The following OPHN1 variants were observed in gnomAD, a reference collection of about 807,000 sequenced individuals.
The protein encoded by OPHN1 is oligophrenin 1.
OPHN1 carries 11 observed loss-of-function variants against 60.7 expected under a neutral mutation model. The ratio of observed to expected loss-of-function variants is 0.18; its 90% CI spans 0.11 to 0.30. OPHN1 has a LOEUF of 0.30. Ranked by LOEUF, OPHN1 falls within the 10% of genes least tolerant of loss-of-function variation. The pLI, the probability that OPHN1 is intolerant of heterozygous loss-of-function variation, is 1.00. For missense variants in OPHN1, 449 were observed against 611.0 expected (o/e 0.73, Z 2.80); for synonymous variants, 226 against 222.6 (o/e 1.02, Z -0.14).
intron 2 of OPHN1, among the ~76,000 whole-genome samples, chrX:68,388,041 C>A (rs1360084967): frequency 9.3e-6 from 1 of 107,911 alleles, no homozygotes; most frequent in Non-Finnish European, 1.9e-5. Flanking sequence ...AGAATGTGGA[C>A]TACAGTCAGG....
At chrX:68,253,948 G>A (rs1197293139) in intron 5 of OPHN1, among the ~76,000 whole-genome samples, 3 of 111,941 alleles carry the variant, frequency 2.7e-5, no homozygotes, top group Non-Finnish European at 5.6e-5. Flanking sequence ...CCGTCCCTGT[G>A]GTATGTACGC....
chrX:68,080,198 T>C (rs1472370567), intron 19 of OPHN1, among the ~76,000 whole-genome samples: 1 of 112,249 alleles, frequency 8.9e-6, no homozygotes, highest in African/African-American at 3.2e-5. Context: ...CATCCTGAAA[T>C]CTCCAGCCCC....
intron 3 of OPHN1, among the ~76,000 whole-genome samples, chrX:68,291,341 C>A (rs1159195081): frequency 8.9e-6 from 1 of 112,226 alleles, no homozygotes; most frequent in Non-Finnish European, 1.9e-5. Context: ...TTTGCTAGAT[C>A]TCTCAACAAA....
At chrX:68,322,461 G>C (rs1240930997) in intron 2 of OPHN1, among the ~76,000 whole-genome samples, 2 of 111,926 alleles carry the variant, frequency 1.8e-5, no homozygotes. Context: ...AACAAGCTAT[G>C]ATACATCCAT....
chrX:68,194,066 C>A, intron 13 of OPHN1, 114 bp from the exon 14 acceptor site: 2 of 610,981 alleles, frequency 3.3e-6, no homozygotes, highest in South Asian at 4.9e-5. Flanking sequence ...TTTAGTTGCT[C>A]ATTTCTAGTC....
chrX:68,227,921 G>A (rs1427943916), intron 6 of OPHN1, among the ~76,000 whole-genome samples: 2 of 110,787 alleles, frequency 1.8e-5, no homozygotes, highest in African/African-American at 6.6e-5. Flanking sequence ...AGAACTGAAG[G>A]AGATAAGAGA....
rs1057524252 is a variant in OPHN1 at position 68,073,239 on chromosome X, C to T, written c.1747G>A (p.Ala583Thr). The T allele has an allele frequency of 1.7e-6, 2 of 1,211,506 alleles. No homozygotes were observed. The highest frequency in any genetic ancestry group is 2.2e-6 in the Non-Finnish European group (2 of 895,129). ...ATCGTGATTGGTTTGTGCCTTCTTG[C>T]TGTCACCCGAGGCGGAGGCACTGGC... The part of the protein sequence containing the change: ...APPVPPPRVT[A>T]RRHKPITISK... Residue 583 changes from alanine (A) to threonine (T), a missense_variant, in exon 20 of 25, where the codon GCA (alanine) becomes ACA (threonine). Around this residue, in one of 4 missense-constraint regions of OPHN1, gnomAD observed 166 missense variants for 278.4 expected, o/e 0.60. Transcript: ENST00000355520.
At chrX:68,137,470 T>C (rs1000176308) in intron 15 of OPHN1, among the ~76,000 whole-genome samples, 4 of 111,597 alleles carry the variant, frequency 3.6e-5, no homozygotes, top group Non-Finnish European at 7.5e-5. Flanking sequence ...AAGAGAAAAA[T>C]GAAATCATCA....
At chrX:68,226,616 T>C (rs760048550) in intron 6 of OPHN1, among the ~76,000 whole-genome samples, 3 of 111,391 alleles carry the variant, frequency 2.7e-5, no homozygotes, top group African/African-American at 9.8e-5. Flanking sequence ...CAGAATTTCA[T>C]AACTAGCCAA....
intron 2 of OPHN1, among the ~76,000 whole-genome samples, chrX:68,421,808 C>T (rs1281783644): frequency 9.0e-6 from 1 of 111,247 alleles, no homozygotes; most frequent in Non-Finnish European, 1.9e-5. Context: ...TCCAAGCTGC[C>T]TTAGGATAAA....
intron 5 of OPHN1, among the ~76,000 whole-genome samples, chrX:68,247,838 G>A (rs959937052): frequency 8.2e-5 from 9 of 110,068 alleles, no homozygotes; most frequent in Non-Finnish European, 1.5e-4. Context: ...GCTGAGGTGG[G>A]AGGTTGCAAT....
chrX:68,171,155 C>T (rs2073863284), intron 15 of OPHN1, among the ~76,000 whole-genome samples: 1 of 110,073 alleles, frequency 9.1e-6, no homozygotes. Context: ...AGGATAAATG[C>T]TTGAGGTGAT....
chrX:68,063,347 C>G (rs997373170), intron 21 of OPHN1, among the ~76,000 whole-genome samples: 2 of 110,199 alleles, frequency 1.8e-5, no homozygotes, highest in Admixed American at 9.6e-5. Flanking sequence ...ATGGCAAAAC[C>G]CTGTCTCTAC....
At chrX:68,116,591 T>C (rs956189130) in intron 16 of OPHN1, among the ~76,000 whole-genome samples, 1 of 111,456 alleles carries the variant, frequency 9.0e-6, no homozygotes, top group African/African-American at 3.3e-5. Context: ...TGATCACCAA[T>C]TTTTTAGTTC....
intron 2 of OPHN1, among the ~76,000 whole-genome samples, chrX:68,381,818 C>T (rs1406263192): frequency 9.0e-6 from 1 of 111,008 alleles, no homozygotes; most frequent in Non-Finnish European, 1.9e-5. Context: ...TCTCCTCTTC[C>T]CTTTCTTTCT....
At chrX:68,059,799 A>G (rs952027272) in intron 21 of OPHN1, among the ~76,000 whole-genome samples, 1 of 111,196 alleles carries the variant, frequency 9.0e-6, no homozygotes, top group Non-Finnish European at 1.9e-5. Context: ...CCCTCAACCC[A>G]TATGTCATAA....
chrX:68,411,958 G>A (rs2078771559), intron 2 of OPHN1, among the ~76,000 whole-genome samples: 1 of 111,584 alleles, frequency 9.0e-6, no homozygotes, highest in Non-Finnish European at 1.9e-5. Flanking sequence ...CTCGAGGCAT[G>A]GCCAAAAACA....
At chrX:68,184,917 A>G (rs962456412) in intron 15 of OPHN1, among the ~76,000 whole-genome samples, 2 of 112,420 alleles carry the variant, frequency 1.8e-5, no homozygotes, top group Non-Finnish European at 3.8e-5. Flanking sequence ...GCTGGATGTG[A>G]TCATCTGGTC....
chrX:68,122,979 T>C (rs1221578390), intron 15 of OPHN1, among the ~76,000 whole-genome samples: 3 of 111,038 alleles, frequency 2.7e-5, no homozygotes, highest in African/African-American at 9.8e-5. Flanking sequence ...TACAAGACGG[T>C]TATAGAACAC....
Sources: allele counts gnomAD v4.1 joint callset (sites outside exome capture counted in the v4.1 genomes callset), GRCh38; gene constraint gnomAD v4.1.1; regional missense constraint gnomAD v4.1.1; transcripts MANE v1.5; gene names NCBI Gene and HGNC (gene_info 2026-07-23, HGNC 2026-07-21).